The following ZNF148 variants were observed in gnomAD, a reference collection of about 807,000 sequenced individuals.
The protein encoded by ZNF148 is Beta-Enolase Repressor Factor-1.
Under a neutral mutation model 67.7 loss-of-function variants are expected in ZNF148, and 7 were observed. The observed-to-expected ratio is 0.10, with a 90% CI of 0.06 to 0.19. The LOEUF is 0.19. Ranked by LOEUF, ZNF148 falls within the 10% of genes least tolerant of loss-of-function variation. The pLI is 1.00. For synonymous variants in ZNF148, 333 were observed against 330.7 expected (o/e 1.01, Z -0.08); for missense variants, 583 against 947.1 (o/e 0.62, Z 5.05).
At chr3:125,264,598 G>C (rs1937487222) in intron 7 of ZNF148, among the ~76,000 whole-genome samples, 2 of 152,082 alleles carry the variant, frequency 1.3e-5, no homozygotes, top group Admixed American at 6.5e-5. Flanking sequence ...TTTCATTTGA[G>C]AATCAGAGTT....
At chr3:125,244,125 A>G (rs529889032) in intron 7 of ZNF148, among the ~76,000 whole-genome samples, 1 of 152,196 alleles carries the variant, frequency 6.6e-6, no homozygotes, top group South Asian at 2.1e-4. Flanking sequence ...CAAAATGATA[A>G]TTTTCCCCTA....
intron 7 of ZNF148, among the ~76,000 whole-genome samples, chr3:125,242,800 T>C (rs1936427583): frequency 6.6e-6 from 1 of 152,216 alleles, no homozygotes; most frequent in Non-Finnish European, 1.5e-5. Context: ...ACACTTACCA[T>C]TCCTTTATCA....
rs1291694071 is a variant in ZNF148, at chr3:125,368,880, G to GGTT, written c.-234+6219_-234+6221dup. 2.3e-4 allele frequency among the ~76,000 whole-genome samples: 35 copies of GGTT among 152,240 alleles called. No individual in the cohort carries two copies. The East Asian group carries it at 6.8e-3, about 29-fold the overall frequency. On this transcript the variant is annotated intron_variant, in intron 1 of 8. Transcript: ENST00000360647. Reference sequence around the variant, plus strand: ...GAATCGCTTGAACCTGGGAGGCAGAGGTTGCAGTGAGCCAAGATGGCGCCA... The same window carrying GGTT: ...GAATCGCTTGAACCTGGGAGGCAGAGGTTGTTGCAGTGAGCCAAGATGGCGCCA...
rs71148176 is a variant in ZNF148 at position 125,336,677 on chromosome 3, C to CTTT, written c.-233-5442_-233-5440dup. ...TCAAACCAACCACCCCAGAAATCAC[C>CTTT]TTTTTTTTTTTTTTTTTTGAGATGT... On this transcript the variant is annotated intron_variant, in intron 1 of 8. Transcript: ENST00000360647. Among the ~76,000 whole-genome samples, 323 of 95,302 alleles carry CTTT rather than the reference C, an allele frequency of 3.4e-3. 11 individuals are homozygous for CTTT. The highest frequency in any genetic ancestry group is 5.1e-3 in the Non-Finnish European group (265 of 51,526). The allele number at this position is 95,302 out of a possible 152,430, so 62.5% of individuals were successfully genotyped here. A position where few individuals can be genotyped will look rare whatever the true frequency, so the allele number is the denominator to read the frequency against.
chr3:125,309,988 A>C (rs1178145190), intron 4 of ZNF148, among the ~76,000 whole-genome samples: 3 of 152,212 alleles, frequency 2.0e-5, no homozygotes, highest in Non-Finnish European at 4.4e-5. Context: ...ATTAAACTAC[A>C]ACTAATAACA....
chr3:125,296,279 G>A (rs559469750), intron 4 of ZNF148, among the ~76,000 whole-genome samples: 11 of 152,022 alleles, frequency 7.2e-5, no homozygotes, highest in African/African-American at 1.4e-4. Flanking sequence ...GTACCACCAC[G>A]CCCAGCTAAT....
At chr3:125,259,044 T>A (rs920153087) in intron 7 of ZNF148, among the ~76,000 whole-genome samples, 1 of 152,206 alleles carries the variant, frequency 6.6e-6, no homozygotes, top group Non-Finnish European at 1.5e-5. Context: ...AACATGATGT[T>A]ATATCTTGGA....
chr3:125,326,419 C>T (rs1481728897), intron 2 of ZNF148, among the ~76,000 whole-genome samples: 1 of 151,654 alleles, frequency 6.6e-6, no homozygotes, highest in Non-Finnish European at 1.5e-5. Context: ...GTTTATCTTA[C>T]TGATAATAAG....
chr3:125,231,482 T>C lies in ZNF148; in HGVS notation c.*859A>G, dbSNP rs1419766943. ...CAATTAAGCTTTAAAACGTGGAATA[T>C]ACATTTTGTGTAAGCATTATGTTCT... On this transcript the variant is annotated 3_prime_UTR_variant, in exon 9 of 9. Coordinates refer to ENST00000360647, the MANE Select transcript of ZNF148 (RefSeq NM_021964.3). The C allele has an allele frequency of 6.6e-6, 1 of 152,552 alleles. No homozygotes were observed. Among genetic ancestry groups the C allele is most frequent in the Admixed American group, 6.6e-5 (1 of 15,262 alleles). The allele number at this position is 152,552 out of a possible 1,614,324, so 9.4% of individuals were successfully genotyped here.
At chr3:125,314,802 A>AATTCC (rs1169454099) in intron 3 of ZNF148, 3 of 152,308 alleles carry the variant, frequency 2.0e-5, no homozygotes, top group African/African-American at 7.2e-5. Context: ...TCACGCCTGT[A>AATTCC]ATTCCAACAC....
At chr3:125,355,226 T>C (rs922382639) in intron 1 of ZNF148, among the ~76,000 whole-genome samples, 14 of 152,246 alleles carry the variant, frequency 9.2e-5, no homozygotes, top group Non-Finnish European at 1.5e-4. Context: ...GATATAGAGA[T>C]ATCAATTAGA....
At chr3:125,374,743 T>C (rs997365349) in intron 1 of ZNF148, among the ~76,000 whole-genome samples, 22 of 151,584 alleles carry the variant, frequency 1.5e-4, no homozygotes, top group African/African-American at 2.2e-4. Context: ...CCCTGGTGTC[T>C]CCCTAGCCTT....
chr3:125,236,429 G>A (rs1001312225), intron 7 of ZNF148, among the ~76,000 whole-genome samples: 9 of 152,218 alleles, frequency 5.9e-5, no homozygotes, highest in African/African-American at 2.2e-4. Flanking sequence ...GATTATTAAG[G>A]GGAAAATGTT....
At chr3:125,272,955 A>G (rs1184366413) in intron 7 of ZNF148, among the ~76,000 whole-genome samples, 4 of 152,224 alleles carry the variant, frequency 2.6e-5, no homozygotes, top group African/African-American at 9.6e-5. Context: ...CAACATTCTC[A>G]GTTACACAAA....
intron 4 of ZNF148, among the ~76,000 whole-genome samples, chr3:125,302,924 A>T (rs937661881): frequency 1.3e-5 from 2 of 152,244 alleles, no homozygotes; most frequent in African/African-American, 4.8e-5. Flanking sequence ...TGTTAATAGC[A>T]GCTTTATTTT....
At chr3:125,288,261 TAAATAA>T in intron 4 of ZNF148, 33 bp from the exon 5 acceptor site, 1 of 1,579,344 alleles carries the variant, frequency 6.3e-7, no homozygotes, top group Non-Finnish European at 8.6e-7. Flanking sequence ...ATTTTAGACA[TAAATAA>T]AAAGTTCATT....
At chr3:125,257,424 C>T (rs915519280) in intron 7 of ZNF148, among the ~76,000 whole-genome samples, 9 of 152,046 alleles carry the variant, frequency 5.9e-5, no homozygotes, top group East Asian at 5.8e-4. Flanking sequence ...GACGTGGTGG[C>T]GTGCACCTGT....
intron 4 of ZNF148, among the ~76,000 whole-genome samples, chr3:125,304,810 C>G (rs1433118350): frequency 6.6e-6 from 1 of 152,150 alleles, no homozygotes; most frequent in African/African-American, 2.4e-5. Flanking sequence ...GTTCAGCACC[C>G]AGACCTTGGC....
intron 3 of ZNF148, among the ~76,000 whole-genome samples, chr3:125,317,711 A>G (rs1285093842): frequency 3.0e-5 from 3 of 100,732 alleles, no homozygotes; most frequent in South Asian, 3.1e-4. Context: ...ATATATATAT[A>G]TATTTTTTTT....
Sources: allele counts gnomAD v4.1 joint callset (sites outside exome capture counted in the v4.1 genomes callset), GRCh38; gene constraint gnomAD v4.1.1; transcripts MANE v1.5; gene names NCBI Gene and HGNC (gene_info 2026-07-23, HGNC 2026-07-21).